Variants in TASP1 observed in about 807,000 individuals in gnomAD.
TASP1 encodes taspase 1, also known as threonine aspartase 1.
In TASP1, 16 loss-of-function variants were observed where a neutral mutation model predicts 56.6. The ratio of observed to expected loss-of-function variants is 0.28; its 90% CI spans 0.19 to 0.43. The LOEUF (loss-of-function observed/expected upper bound fraction) is 0.43. Ranked by LOEUF, TASP1 falls within the 20% of genes least tolerant of loss-of-function variation. The pLI, the probability that TASP1 is intolerant of heterozygous loss-of-function variation, is 1.00. For synonymous variants in TASP1, 179 were observed against 184.2 expected (o/e 0.97, Z 0.23); for missense variants, 393 against 511.6 (o/e 0.77, Z 2.24).
the TASP1 span, among the ~76,000 whole-genome samples, chr20:13,280,398 C>A: frequency 4.1e-5 from 6 of 148,016 alleles, no homozygotes; most frequent in African/African-American, 9.8e-5. Flanking sequence ...GTAACCCCCC[C>A]CCCCCAATAC....
chr20:13,305,517 C>T, the TASP1 span, among the ~76,000 whole-genome samples: 1 of 152,138 alleles, frequency 6.6e-6, no homozygotes, highest in African/African-American at 2.4e-5. Context: ...TTTACAATTT[C>T]CAATGGAAAA....
At chr20:13,362,008 A>G in the TASP1 span, among the ~76,000 whole-genome samples, 1 of 149,782 alleles carries the variant, frequency 6.7e-6, no homozygotes, top group Non-Finnish European at 1.5e-5. Flanking sequence ...CAATCATTCT[A>G]TACCACAAAT....
chr20:13,243,737 T>G, the TASP1 span, among the ~76,000 whole-genome samples: 2 of 152,250 alleles, frequency 1.3e-5, no homozygotes, highest in Non-Finnish European at 2.9e-5. Context: ...TCCATCACCG[T>G]TAAGCATCTG....
intron 11 of TASP1, among the ~76,000 whole-genome samples, chr20:13,455,031 G>A (rs2043775854): frequency 6.6e-6 from 1 of 152,078 alleles, no homozygotes. Flanking sequence ...GGAGCCTTGG[G>A]CTGTGGAGAA....
At chr20:13,547,682 C>T (rs886129605) in intron 8 of TASP1, among the ~76,000 whole-genome samples, 20 of 151,810 alleles carry the variant, frequency 1.3e-4, no homozygotes, top group African/African-American at 4.6e-4. Context: ...AGAATTAAAA[C>T]GGAATAGAGC....
At chr20:13,291,450 C>A in the TASP1 span, among the ~76,000 whole-genome samples, 10 of 152,160 alleles carry the variant, frequency 6.6e-5, no homozygotes, top group Non-Finnish European at 1.3e-4. Flanking sequence ...GTTTGAGGTG[C>A]CTCACATAAA....
chr20:13,463,943 T>C (rs2044153347), intron 11 of TASP1, among the ~76,000 whole-genome samples: 1 of 152,090 alleles, frequency 6.6e-6, no homozygotes, highest in Non-Finnish European at 1.5e-5. Context: ...AGTATAGCAG[T>C]TCCTCAAAAA....
At chr20:13,411,778 T>C (rs749664983) in intron 13 of TASP1, among the ~76,000 whole-genome samples, 2 of 152,208 alleles carry the variant, frequency 1.3e-5, no homozygotes, top group African/African-American at 2.4e-5. Flanking sequence ...CAGCTTTCCA[T>C]GTTGCTAAGG....
chr20:13,418,977 T>C (rs2042350568), intron 12 of TASP1, among the ~76,000 whole-genome samples: 1 of 152,188 alleles, frequency 6.6e-6, no homozygotes, highest in Non-Finnish European at 1.5e-5. Context: ...ACATGACAAC[T>C]GAACACAATG....
the TASP1 span, among the ~76,000 whole-genome samples, chr20:13,343,121 T>A: frequency 6.6e-6 from 1 of 152,144 alleles, no homozygotes; most frequent in African/African-American, 2.4e-5. Context: ...CTCTCTGACC[T>A]CAGGCAGAGC....
chr20:13,130,503 A>G, the TASP1 span, among the ~76,000 whole-genome samples: 12 of 152,266 alleles, frequency 7.9e-5, no homozygotes, highest in Non-Finnish European at 1.3e-4. Flanking sequence ...AGCTACAGGA[A>G]TAAGGTCAGT....
chr20:13,218,057 C>T, the TASP1 span, among the ~76,000 whole-genome samples: 98 of 152,132 alleles, frequency 6.4e-4, no homozygotes, highest in Middle Eastern at 3.4e-3. Flanking sequence ...TGAGACCAGC[C>T]TGGCCAATAC....
At chr20:13,151,580 T>C in the TASP1 span, among the ~76,000 whole-genome samples, 1 of 152,136 alleles carries the variant, frequency 6.6e-6, no homozygotes, top group African/African-American at 2.4e-5. Context: ...GCATGGACAA[T>C]TGGGGCATTT....
At chr20:13,253,516 A>C in the TASP1 span, among the ~76,000 whole-genome samples, 2 of 152,172 alleles carry the variant, frequency 1.3e-5, no homozygotes, top group African/African-American at 2.4e-5. Context: ...CTTACCGACT[A>C]TCAGCCACTG....
the TASP1 span, among the ~76,000 whole-genome samples, chr20:13,264,772 G>A: frequency 7.1e-3 from 1,080 of 152,314 alleles, 20 homozygotes; most frequent in African/African-American, 0.023. Flanking sequence ...TGATTAAAAC[G>A]TGTGGATTTG....
chr20:13,633,401 G>C (rs2049169843), intron 1 of TASP1, among the ~76,000 whole-genome samples: 1 of 152,200 alleles, frequency 6.6e-6, no homozygotes, highest in Non-Finnish European at 1.5e-5. Context: ...TTTCGAATTT[G>C]AACCATCTGA....
At chr20:13,339,601 G>A in the TASP1 span, among the ~76,000 whole-genome samples, 80 of 152,174 alleles carry the variant, frequency 5.3e-4, no homozygotes, top group Middle Eastern at 3.4e-3. Flanking sequence ...TGGGGGCTTT[G>A]TTCTTGCCTT....
chr20:13,143,811 C>T, the TASP1 span, among the ~76,000 whole-genome samples: 3 of 152,220 alleles, frequency 2.0e-5, no homozygotes, highest in Admixed American at 2.0e-4. Context: ...ATTACTCAGC[C>T]TAGTATCTGT....
intron 11 of TASP1, 44 bp from the exon 12 acceptor site, chr20:13,435,198 T>G (rs1462171437): frequency 1.4e-6 from 2 of 1,411,892 alleles, no homozygotes; most frequent in South Asian, 2.7e-5. Flanking sequence ...GAATTTTACT[T>G]TTTAAATTTT....
Sources: gnomAD v4.1 joint callset for allele counts (sites outside exome capture counted in the v4.1 genomes callset) on GRCh38, gnomAD v4.1.1 for gene constraint, MANE v1.5 for transcripts, NCBI Gene and HGNC (gene_info 2026-07-23, HGNC 2026-07-21) for gene names.